The following SPOCK1 variants were observed in gnomAD, a reference collection of about 807,000 sequenced individuals.
SPOCK1 encodes SPARC (osteonectin), cwcv and kazal like domains proteoglycan 1, also known as testican-1.
Under a neutral mutation model 55.3 loss-of-function variants are expected in SPOCK1, and 23 were observed. The observed-to-expected ratio is 0.42, with a 90% CI of 0.30 to 0.59. SPOCK1 has a LOEUF of 0.59. Ranked by LOEUF, SPOCK1 falls within the 20% of genes least tolerant of loss-of-function variation. The pLI, the probability that SPOCK1 is intolerant of heterozygous loss-of-function variation, is 0.22. For synonymous variants in SPOCK1, 226 were observed against 221.0 expected, an observed-to-expected ratio of 1.02 and a Z score of -0.20; for missense variants, 499 against 552.5, an observed-to-expected ratio of 0.90 and a Z score of 0.97.
chr5:137,458,792 C>A (rs771172009), intron 2 of SPOCK1, among the ~76,000 whole-genome samples: 5 of 152,112 alleles, frequency 3.3e-5, no homozygotes, highest in Non-Finnish European at 5.9e-5. Context: ...CATCAAATGA[C>A]AATACACAGA....
chr5:136,999,382 A>G (rs1308203914), intron 6 of SPOCK1, among the ~76,000 whole-genome samples: 2 of 152,124 alleles, frequency 1.3e-5, no homozygotes, highest in Admixed American at 1.3e-4. Context: ...CCGGGACCCC[A>G]TTGTCCCCTT....
chr5:137,106,032 C>T (rs996743981), intron 5 of SPOCK1, among the ~76,000 whole-genome samples: 5 of 152,136 alleles, frequency 3.3e-5, no homozygotes, highest in Non-Finnish European at 7.4e-5. Context: ...GAGCAGTCAG[C>T]CCTGACATCT....
rs183290455 is a variant in SPOCK1, at chr5:137,076,897, G to A, written c.475-9068C>T. ...ACTAGAGAAAGCAAATAACTGCCTC[G>A]GGGACACAAGGTGAGTAAGTAGCAG... On this transcript the variant is annotated intron_variant, in intron 5 of 10. Coordinates refer to ENST00000394945, the MANE Select transcript of SPOCK1 (RefSeq NM_004598.4). Among the ~76,000 whole-genome samples the A allele has an allele frequency of 6.6e-5, 10 of 152,208 alleles. No individual in the cohort carries two copies. The East Asian group carries it at 9.7e-4, about 15-fold the overall frequency.
chr5:137,184,371 C>T (rs760157746), intron 3 of SPOCK1, among the ~76,000 whole-genome samples: 1 of 152,152 alleles, frequency 6.6e-6, no homozygotes, highest in Non-Finnish European at 1.5e-5. Context: ...AGCCTTCTCT[C>T]CCCTGGGCCC....
chr5:137,044,642 CT>C lies in SPOCK1; in HGVS notation c.589+23072del, dbSNP rs879269138. On this transcript the variant is annotated intron_variant, in intron 6 of 10. Transcript: ENST00000394945. ...GTGAGACATAAATAAATGACTATTT[CT>C]TTTTTTTTTATTATTATACTTTAAG... 8.2e-4 allele frequency among the ~76,000 whole-genome samples: 123 copies of C among 149,318 alleles called. 1 individual carries two copies. The highest frequency in any genetic ancestry group is 2.3e-3 in the African/African-American group (95 of 40,744).
At chr5:137,106,548 A>G (rs1258484245) in intron 5 of SPOCK1, among the ~76,000 whole-genome samples, 4 of 152,068 alleles carry the variant, frequency 2.6e-5, no homozygotes, top group African/African-American at 9.7e-5. Context: ...TCTATATCTG[A>G]AATTCGAATC....
At chr5:137,057,147 C>T (rs967259282) in intron 6 of SPOCK1, among the ~76,000 whole-genome samples, 5 of 152,056 alleles carry the variant, frequency 3.3e-5, no homozygotes, top group African/African-American at 4.8e-5. Context: ...AGATTCATAA[C>T]CAGATCTCCT....
intron 4 of SPOCK1, among the ~76,000 whole-genome samples, chr5:137,125,315 G>T (rs1222349024): frequency 6.6e-6 from 1 of 152,166 alleles, no homozygotes; most frequent in Non-Finnish European, 1.5e-5. Context: ...AGGGAATCTG[G>T]GCATTGCAAG....
chr5:137,321,996 C>A (rs1384590507), intron 2 of SPOCK1, among the ~76,000 whole-genome samples: 1 of 152,016 alleles, frequency 6.6e-6, no homozygotes, highest in African/African-American at 2.4e-5. Context: ...CCACTAGACC[C>A]GCCTTATAAG....
At chr5:137,061,766 G>A (rs1389293505) in intron 6 of SPOCK1, among the ~76,000 whole-genome samples, 16 of 152,046 alleles carry the variant, frequency 1.1e-4, no homozygotes, top group African/African-American at 1.7e-4. Context: ...GTGGGAGGGC[G>A]TCTGTAGGAT....
At chr5:137,213,578 G>A (rs73793408) in intron 3 of SPOCK1, among the ~76,000 whole-genome samples, 6,822 of 152,256 alleles carry the variant, frequency 0.045, 504 homozygotes, top group African/African-American at 0.15. Flanking sequence ...CACCACGCTC[G>A]CAAGAGCACT....
intron 3 of SPOCK1, among the ~76,000 whole-genome samples, chr5:137,211,984 C>T (rs1755627361): frequency 6.6e-6 from 1 of 152,138 alleles, no homozygotes; most frequent in African/African-American, 2.4e-5. Context: ...TCCCTGAGTT[C>T]CATGAGCAGG....
chr5:137,403,902 G>C (rs1281960177), intron 2 of SPOCK1, among the ~76,000 whole-genome samples: 1 of 152,170 alleles, frequency 6.6e-6, no homozygotes, highest in East Asian at 1.9e-4. Context: ...GTTTGGAGCA[G>C]AGGAGTGATA....
chr5:137,187,026 C>T (rs1755082272), intron 3 of SPOCK1, among the ~76,000 whole-genome samples: 1 of 152,178 alleles, frequency 6.6e-6, no homozygotes, highest in Non-Finnish European at 1.5e-5. Context: ...CAGTCCACGT[C>T]CCACCTCTCT....
intron 3 of SPOCK1, among the ~76,000 whole-genome samples, chr5:137,260,924 AATAAG>A (rs2127112591): frequency 6.6e-6 from 1 of 152,318 alleles, no homozygotes; most frequent in Non-Finnish European, 1.5e-5. Context: ...GGTTAATGTG[AATAAG>A]ATGAGTAGTT....
chr5:137,377,225 C>G (rs1751337660), intron 2 of SPOCK1, among the ~76,000 whole-genome samples: 1 of 152,202 alleles, frequency 6.6e-6, no homozygotes, highest in South Asian at 2.1e-4. Flanking sequence ...AATGGCCCCA[C>G]ACAGGTTACT....
intron 6 of SPOCK1, among the ~76,000 whole-genome samples, chr5:137,052,745 G>A (rs1752229172): frequency 1.3e-5 from 2 of 152,114 alleles, no homozygotes; most frequent in Non-Finnish European, 2.9e-5. Context: ...ATATAATTAA[G>A]TATTATTAAG....
At chr5:137,031,077 T>A (rs1339074276) in intron 6 of SPOCK1, among the ~76,000 whole-genome samples, 1 of 152,204 alleles carries the variant, frequency 6.6e-6, no homozygotes, top group African/African-American at 2.4e-5. Context: ...ATTTTGTAAT[T>A]TTTTTAAATA....
intron 3 of SPOCK1, among the ~76,000 whole-genome samples, chr5:137,243,690 G>T (rs1461167732): frequency 6.6e-6 from 1 of 152,204 alleles, no homozygotes; most frequent in East Asian, 1.9e-4. Context: ...CACTGATGGT[G>T]CTGCTGATTC....
Sources: gnomAD v4.1 joint callset for allele counts (sites outside exome capture counted in the v4.1 genomes callset) on GRCh38, gnomAD v4.1.1 for gene constraint, MANE v1.5 for transcripts, NCBI Gene and HGNC (gene_info 2026-07-23, HGNC 2026-07-21) for gene names.